Variants in ADK observed in about 807,000 individuals in gnomAD.
The protein encoded by ADK is adenosine kinase.
Under a neutral mutation model 44.7 loss-of-function variants are expected in ADK, and 24 were observed. The observed-to-expected ratio is 0.54, with a 90% CI of 0.39 to 0.76. The LOEUF is 0.76. Ranked by LOEUF, ADK falls within the 30% of genes least tolerant of loss-of-function variation. ADK has a pLI of 0.00. For synonymous variants in ADK, 128 were observed against 142.6 expected (o/e 0.90, Z 0.73); for missense variants, 321 against 425.1 (o/e 0.76, Z 2.15).
chr10:74,538,631 A>G (rs1163425327), intron 7 of ADK, among the ~76,000 whole-genome samples: 1 of 152,212 alleles, frequency 6.6e-6, no homozygotes, highest in Non-Finnish European at 1.5e-5. Context: ...TAGGTTTGTT[A>G]TCCATGTCCT....
intron 9 of ADK, among the ~76,000 whole-genome samples, chr10:74,658,124 A>G (rs577282297): frequency 6.6e-6 from 1 of 152,268 alleles, no homozygotes; most frequent in African/African-American, 2.4e-5. Context: ...TCAATAGAGA[A>G]CCATTGAAGA....
chr10:74,561,668 A>T (rs1345940260), intron 7 of ADK, among the ~76,000 whole-genome samples: 2 of 152,254 alleles, frequency 1.3e-5, no homozygotes, highest in African/African-American at 2.4e-5. Context: ...TAACATCATT[A>T]TATGAGTCCA....
At chr10:74,440,773 G>A (rs889981869) in intron 6 of ADK, among the ~76,000 whole-genome samples, 8 of 152,000 alleles carry the variant, frequency 5.3e-5, no homozygotes, top group Non-Finnish European at 1.2e-4. Flanking sequence ...TTCCAAAGAG[G>A]GTTGAATAGT....
At chr10:74,160,867 C>T (rs1052227974) in intron 1 of ADK, among the ~76,000 whole-genome samples, 6 of 151,982 alleles carry the variant, frequency 3.9e-5, no homozygotes, top group East Asian at 3.9e-4. Flanking sequence ...TAGTGTCATT[C>T]CCTCAGCAAG....
At chr10:74,518,232 G>A (rs1166560590) in intron 6 of ADK, among the ~76,000 whole-genome samples, 1 of 152,192 alleles carries the variant, frequency 6.6e-6, no homozygotes, top group Non-Finnish European at 1.5e-5. Flanking sequence ...ATGTTCTTCA[G>A]AACAGACGAC....
chr10:74,457,383 C>T (rs903576978), intron 6 of ADK, among the ~76,000 whole-genome samples: 3 of 152,138 alleles, frequency 2.0e-5, no homozygotes, highest in Non-Finnish European at 4.4e-5. Flanking sequence ...GGATTCACAA[C>T]TGAATTCTAT....
intron 1 of ADK, among the ~76,000 whole-genome samples, chr10:74,177,409 A>G (rs1296843795): frequency 6.6e-6 from 1 of 152,172 alleles, no homozygotes; most frequent in African/African-American, 2.4e-5. Context: ...TCCCGAAGGT[A>G]CCATCTTGTT....
At chr10:74,354,008 G>A (rs1176488494) in intron 4 of ADK, among the ~76,000 whole-genome samples, 1 of 152,148 alleles carries the variant, frequency 6.6e-6, no homozygotes, top group Non-Finnish European at 1.5e-5. Flanking sequence ...TAAGAAAAAG[G>A]GTTTCCTTTG....
intron 9 of ADK, among the ~76,000 whole-genome samples, chr10:74,601,791 G>A (rs185825436): frequency 6.6e-6 from 1 of 151,652 alleles, no homozygotes; most frequent in Non-Finnish European, 1.5e-5. Flanking sequence ...ATTCTAGGAA[G>A]GATTAAAAGA....
chr10:74,329,324 G>A (rs1207318754), intron 4 of ADK, among the ~76,000 whole-genome samples: 1 of 152,066 alleles, frequency 6.6e-6, no homozygotes, highest in African/African-American at 2.4e-5. Context: ...AGTGATTTGG[G>A]GCAAGAAGGA....
chr10:74,390,981 G>GT (rs1247588064), intron 4 of ADK, among the ~76,000 whole-genome samples: 5 of 152,046 alleles, frequency 3.3e-5, no homozygotes, highest in Non-Finnish European at 4.4e-5. Flanking sequence ...CCCATTCCAT[G>GT]TTTGTGTTTT....
chr10:74,551,163 CCACTGGG>C (rs1850023639), intron 7 of ADK, among the ~76,000 whole-genome samples: 1 of 152,086 alleles, frequency 6.6e-6, no homozygotes, highest in African/African-American at 2.4e-5. Flanking sequence ...AGCAAAGATG[CCACTGGG>C]ATATAGAGGA....
intron 6 of ADK, among the ~76,000 whole-genome samples, chr10:74,479,505 C>T (rs1240897168): frequency 6.6e-6 from 1 of 150,906 alleles, no homozygotes; most frequent in Non-Finnish European, 1.5e-5. Context: ...CTTTTGCTTC[C>T]TGAGGCAATC....
At chr10:74,465,508 G>A (rs1049048467) in intron 6 of ADK, among the ~76,000 whole-genome samples, 1 of 152,142 alleles carries the variant, frequency 6.6e-6, no homozygotes, top group Non-Finnish European at 1.5e-5. Flanking sequence ...TTTTAGTAGG[G>A]TTATTCTCAC....
At chr10:74,683,421 A>G (rs559870235) in intron 10 of ADK, among the ~76,000 whole-genome samples, 1 of 152,338 alleles carries the variant, frequency 6.6e-6, no homozygotes, top group African/African-American at 2.4e-5. Flanking sequence ...AGTCTTACAG[A>G]TATTATATCC....
chr10:74,396,669 TC>T (rs2132841933), intron 5 of ADK, among the ~76,000 whole-genome samples: 2 of 152,186 alleles, frequency 1.3e-5, no homozygotes, highest in Non-Finnish European at 2.9e-5. Flanking sequence ...CTCATATTTT[TC>T]TGGTCGGGCA....
intron 3 of ADK, among the ~76,000 whole-genome samples, chr10:74,302,090 G>GTTTTT (rs68179517): frequency 2.3e-4 from 4 of 17,024 alleles, no homozygotes; most frequent in East Asian, 1.5e-3. Context: ...TTTCTTTTCT[G>GTTTTT]TTTTTTTTTT....
At chr10:74,566,231 C>T (rs1358143799) in intron 7 of ADK, among the ~76,000 whole-genome samples, 1 of 110,324 alleles carries the variant, frequency 9.1e-6, no homozygotes, top group Non-Finnish European at 1.7e-5. Context: ...TTTGTGGAGA[C>T]AGTCTCACTC....
intron 7 of ADK, among the ~76,000 whole-genome samples, chr10:74,563,518 G>A (rs2133824057): frequency 6.6e-6 from 1 of 152,240 alleles, no homozygotes; most frequent in South Asian, 2.1e-4. Context: ...ACATACAATA[G>A]GTATATTCTA....
Sources: gnomAD v4.1 joint callset for allele counts (sites outside exome capture counted in the v4.1 genomes callset) on GRCh38, gnomAD v4.1.1 for gene constraint, MANE v1.5 for transcripts, NCBI Gene and HGNC (gene_info 2026-07-23, HGNC 2026-07-21) for gene names.